Variants in JARID2 observed in about 807,000 individuals in gnomAD.
The protein encoded by JARID2 is protein Jumonji.
JARID2 carries 21 observed loss-of-function variants against 125.6 expected under a neutral mutation model. That is an observed-to-expected ratio of 0.17 (90% CI 0.12 to 0.24). The LOEUF (loss-of-function observed/expected upper bound fraction) is 0.24. Among genes scored for constraint, JARID2 ranks in the 10% least tolerant of loss-of-function variants. JARID2 has a pLI of 1.00. For missense variants in JARID2, 1,303 were observed against 1,639.6 expected (o/e 0.79, Z 3.55); for synonymous variants, 736 against 661.6 (o/e 1.11, Z -1.73).
intron 8 of JARID2, 125 bp downstream of exon 8, chr6:15,501,534 C>A: frequency 1.1e-6 from 1 of 869,620 alleles, no homozygotes; most frequent in Non-Finnish European, 1.7e-6. Flanking sequence ...AGGGGGCGGG[C>A]CACTGTGCTG....
chr6:15,410,104 A>T, intron 2 of JARID2, 120 bp from the exon 3 acceptor site: 1 of 908,652 alleles, frequency 1.1e-6, no homozygotes, highest in Non-Finnish European at 1.6e-6. Context: ...GTGTGCTTTT[A>T]AATTCTCTTC....
At chr6:15,493,276 T>G (rs1770245976) in intron 6 of JARID2, among the ~76,000 whole-genome samples, 1 of 152,188 alleles carries the variant, frequency 6.6e-6, no homozygotes, top group Non-Finnish European at 1.5e-5. Context: ...TGATTCCCTT[T>G]CTTGATCCTC....
At chr6:15,450,836 T>C (rs537287196) in intron 3 of JARID2, among the ~76,000 whole-genome samples, 2 of 152,356 alleles carry the variant, frequency 1.3e-5, no homozygotes, top group South Asian at 2.1e-4. Context: ...AAATTTCTTA[T>C]TGGCTACTGT....
chr6:15,503,389 G>GA (rs2127748436), intron 8 of JARID2, among the ~76,000 whole-genome samples: 1 of 152,236 alleles, frequency 6.6e-6, no homozygotes, highest in East Asian at 1.9e-4. Flanking sequence ...CTGCAGGAGA[G>GA]AAAGGCACAA....
intron 3 of JARID2, among the ~76,000 whole-genome samples, chr6:15,430,640 C>A (rs1766929817): frequency 6.6e-6 from 1 of 152,030 alleles, no homozygotes. Flanking sequence ...GTGAGATGTC[C>A]ATCTGTGAAG....
chr6:15,385,771 C>T (rs916989382), intron 2 of JARID2, among the ~76,000 whole-genome samples: 2 of 152,144 alleles, frequency 1.3e-5, no homozygotes, highest in African/African-American at 4.8e-5. Context: ...ATGTGCCACT[C>T]TCTGTTCAGG....
chr6:15,449,483 CAA>C (rs111845180), intron 3 of JARID2, among the ~76,000 whole-genome samples: 1 of 143,304 alleles, frequency 7.0e-6, no homozygotes, highest in African/African-American at 2.5e-5. Context: ...CTGTCTTTAT[CAA>C]AAAAAAAAAC....
chr6:15,275,384 A>ATT (rs1474381026), intron 1 of JARID2, among the ~76,000 whole-genome samples: 2 of 152,116 alleles, frequency 1.3e-5, no homozygotes, highest in Non-Finnish European at 2.9e-5. Context: ...CAGCTTCTTC[A>ATT]TTAGATACTG....
intron 1 of JARID2, among the ~76,000 whole-genome samples, chr6:15,283,962 C>T (rs1760894227): frequency 1.3e-5 from 2 of 152,136 alleles, no homozygotes; most frequent in African/African-American, 4.8e-5. Context: ...CAGCCTCAGC[C>T]TCTCAAAGTG....
At chr6:15,255,651 G>T (rs1319912283) in intron 1 of JARID2, among the ~76,000 whole-genome samples, 1 of 152,106 alleles carries the variant, frequency 6.6e-6, no homozygotes, top group African/African-American at 2.4e-5. Context: ...GTTCTCTCTC[G>T]GTTTCAGCCA....
At chr6:15,336,852 T>C (rs1247124341) in intron 1 of JARID2, among the ~76,000 whole-genome samples, 1 of 152,096 alleles carries the variant, frequency 6.6e-6, no homozygotes. Flanking sequence ...TTTTTCACTC[T>C]CTTACTGTAA....
intron 1 of JARID2, among the ~76,000 whole-genome samples, chr6:15,370,061 A>C (rs1216158270): frequency 6.6e-6 from 1 of 152,134 alleles, no homozygotes; most frequent in Non-Finnish European, 1.5e-5. Context: ...TGGCAGGGCG[A>C]GTAGGGGTAA....
At chr6:15,368,753 A>T (rs747185192) in intron 1 of JARID2, 7 of 481,860 alleles carry the variant, frequency 1.5e-5, no homozygotes, top group African/African-American at 1.4e-4. Context: ...TAGACATCTG[A>T]ATTCTGACAG....
chr6:15,497,713 C>T (rs1770529788), intron 7 of JARID2, among the ~76,000 whole-genome samples: 1 of 152,068 alleles, frequency 6.6e-6, no homozygotes, highest in Non-Finnish European at 1.5e-5. Context: ...GTCTGGGCCC[C>T]TTGCTTCCCC....
chr6:15,267,375 G>A (rs1446020364), intron 1 of JARID2, among the ~76,000 whole-genome samples: 1 of 152,178 alleles, frequency 6.6e-6, no homozygotes, highest in Non-Finnish European at 1.5e-5. Flanking sequence ...AGGCATGTCA[G>A]CAACCACCAG....
At position 15,369,583 on chromosome 6, in the gene JARID2, G is replaced by T. The variant is rs74927250; in HGVS notation, c.46-4534G>T. ...CTGATTCTACCAAGGGGCCTGAAGT[G>T]GTTTACAGAGGACAAAGGGGATAAT... is the stretch of plus-strand genomic sequence containing the variant. On this transcript the variant is annotated intron_variant, in intron 1 of 17. Transcript: ENST00000341776. Among the ~76,000 whole-genome samples, 357 of 152,294 alleles carry T rather than the reference G, an allele frequency of 2.3e-3. 1 individual carries two copies. Among genetic ancestry groups the T allele is most frequent in the African/African-American group, 7.8e-3 (323 of 41,558 alleles).
intron 1 of JARID2, among the ~76,000 whole-genome samples, chr6:15,313,000 G>A (rs1452956439): frequency 2.0e-5 from 3 of 152,184 alleles, no homozygotes; most frequent in Non-Finnish European, 4.4e-5. Context: ...CGCAAACCGA[G>A]CTGCAGCCTC....
At chr6:15,252,541 A>G (rs940902754) in intron 1 of JARID2, among the ~76,000 whole-genome samples, 2 of 152,184 alleles carry the variant, frequency 1.3e-5, no homozygotes, top group Non-Finnish European at 2.9e-5. Flanking sequence ...TAATTGTGCC[A>G]TTTACTGAGT....
At position 15,374,233 on chromosome 6, in the gene JARID2, G is replaced by A; in HGVS notation, c.162G>A (p.Gly54=). The change falls in exon 2 of 18, where the codon GGG becomes GGA. Residue 54 remains glycine, a synonymous_variant. Coordinates refer to ENST00000341776, the MANE Select transcript of JARID2 (RefSeq NM_004973.4). ...QKRQHAEGIA[G]SLKTVNGLLG... is the part of the protein sequence containing the mutation. ...GGCAGCATGCGGAAGGCATTGCTGG[G>A]AGCCTGAAAACTGTGAATGGTGAGT... is the stretch of plus-strand genomic sequence containing the variant. The A allele has an allele frequency of 6.2e-7, 1 of 1,614,028 alleles. No individual in the cohort carries two copies. The highest frequency in any genetic ancestry group is 1.3e-5 in the African/African-American group (1 of 75,026).
Sources: allele counts gnomAD v4.1 joint callset (sites outside exome capture counted in the v4.1 genomes callset), GRCh38; gene constraint gnomAD v4.1.1; transcripts MANE v1.5; gene names NCBI Gene and HGNC (gene_info 2026-07-23, HGNC 2026-07-21).